The following EMSY variants were observed in gnomAD, a reference collection of about 807,000 sequenced individuals.
EMSY encodes BRCA2-interacting transcriptional repressor EMSY.
Under a neutral mutation model 134.6 loss-of-function variants are expected in EMSY, and 26 were observed. That is an observed-to-expected ratio of 0.19 (90% CI 0.14 to 0.27). EMSY has a LOEUF of 0.27. Among genes scored for constraint, EMSY ranks in the 10% least tolerant of loss-of-function variants. The pLI is 1.00. For missense variants in EMSY, 1,305 were observed against 1,611.4 expected (o/e 0.81, Z 3.26); for synonymous variants, 579 against 577.8 (o/e 1.00, Z -0.03).
At chr11:76,519,924 C>T (rs1277321578) in intron 11 of EMSY, among the ~76,000 whole-genome samples, 1 of 152,016 alleles carries the variant, frequency 6.6e-6, no homozygotes, top group East Asian at 1.9e-4. Flanking sequence ...AGATACTCTG[C>T]TGTGTGTTGT....
rs936174149 is a variant in EMSY at position 76,544,944 on chromosome 11, C to G, written c.3273+122C>G. The G allele has an allele frequency of 5.2e-5, 55 of 1,064,792 alleles. No individual in the cohort carries two copies. The African/African-American group carries it at 7.4e-4, about 14-fold the overall frequency. 66.0% of individuals were successfully genotyped at this position (1,064,792 alleles called of 1,614,324 possible). Reference sequence around the variant, plus strand: ...CTGGCAAGAGGAAACCCAAAAGCCTCATTACGCTGGTATTACTTTGCCCCA... The same window carrying G: ...CTGGCAAGAGGAAACCCAAAAGCCTGATTACGCTGGTATTACTTTGCCCCA... On this transcript the variant is annotated intron_variant, in intron 19 of 20. Coordinates refer to ENST00000334736, the Ensembl canonical transcript of EMSY.
At chr11:76,481,566 G>T (rs1189622100) in intron 8 of EMSY, among the ~76,000 whole-genome samples, 1 of 152,196 alleles carries the variant, frequency 6.6e-6, no homozygotes, top group African/African-American at 2.4e-5. Context: ...GGGGGGAGGG[G>T]TATCCACCAT....
intron 15 of EMSY, among the ~76,000 whole-genome samples, chr11:76,536,713 C>T (rs982283220): frequency 2.0e-5 from 3 of 152,160 alleles, no homozygotes; most frequent in Non-Finnish European, 4.4e-5. Context: ...CAAAGATTTT[C>T]AGAGTATTTA....
chr11:76,463,555 G>A (rs997936795), intron 6 of EMSY, among the ~76,000 whole-genome samples: 1 of 151,640 alleles, frequency 6.6e-6, no homozygotes, highest in Admixed American at 6.6e-5. Flanking sequence ...CCCGGGAAGC[G>A]GAGCTTGCGG....
chr11:76,494,303 T>C (rs921494252), intron 8 of EMSY, among the ~76,000 whole-genome samples: 1 of 152,226 alleles, frequency 6.6e-6, no homozygotes, highest in Non-Finnish European at 1.5e-5. Context: ...GCTGGTGAAG[T>C]GACACCCCAG....
intron 8 of EMSY, among the ~76,000 whole-genome samples, chr11:76,491,180 T>TC (rs910878606): frequency 1.6e-4 from 22 of 141,030 alleles, no homozygotes; most frequent in Admixed American, 2.7e-4. Context: ...CTTTTTTCTT[T>TC]TTTTTTTTTT....
intron 20 of EMSY, chr11:76,547,057 C>T (rs1951679808): frequency 2.2e-6 from 1 of 455,018 alleles, no homozygotes; most frequent in Admixed American, 2.4e-5. Context: ...TGAGTCCAGG[C>T]TACCCCTTAG....
chr11:76,533,860 G>A (rs939922535), intron 14 of EMSY, among the ~76,000 whole-genome samples: 12 of 152,118 alleles, frequency 7.9e-5, no homozygotes, highest in African/African-American at 2.2e-4. Context: ...TAGTCATTGC[G>A]TTCCATGACT....
At chr11:76,533,436 A>T (rs1951114247) in intron 14 of EMSY, among the ~76,000 whole-genome samples, 1 of 151,616 alleles carries the variant, frequency 6.6e-6, no homozygotes, top group Non-Finnish European at 1.5e-5. Context: ...TCTGATTGTT[A>T]TAACTGTGCA....
At position 76,518,703 on chromosome 11, in the gene EMSY, A is replaced by ATATTTTTT. The variant is rs57143914; in HGVS notation, c.1684+2392_1684+2393insATTTTTTT. ...TGCGCGCATATATATATATATATATATTTTTTTTTTAATTGGGATCTAATA... is the reference window on the plus strand; with the variant it reads ...TGCGCGCATATATATATATATATATATATTTTTTTTTTTTTTTTAATTGGGATCTAATA... On this transcript the variant is annotated intron_variant, in intron 11 of 20. Transcript: ENST00000334736. Among the ~76,000 whole-genome samples, 104 of 130,194 alleles carry ATATTTTTT rather than the reference A, an allele frequency of 8.0e-4. 2 individuals are homozygous for ATATTTTTT. The East Asian group carries it at 0.011, about 13-fold the overall frequency. 85.4% of individuals were successfully genotyped at this position (130,194 alleles called of 152,430 possible). A position where few individuals can be genotyped will look rare whatever the true frequency, so the allele number is the denominator to read the frequency against.
At chr11:76,516,059 A>G (rs2136161740) in intron 10 of EMSY, 83 bp from the exon 12 acceptor site, 1 of 1,174,234 alleles carries the variant, frequency 8.5e-7, no homozygotes, top group East Asian at 2.4e-5. Context: ...TGTAGATTAT[A>G]TGGAATTACA....
At chr11:76,501,311 A>C (rs1949849243) in intron 9 of EMSY, among the ~76,000 whole-genome samples, 1 of 152,226 alleles carries the variant, frequency 6.6e-6, no homozygotes, top group Non-Finnish European at 1.5e-5. Flanking sequence ...CCCATACATT[A>C]GAAAAACAAA....
intron 4 of EMSY, among the ~76,000 whole-genome samples, chr11:76,454,399 T>C (rs1406447585): frequency 6.6e-6 from 1 of 152,122 alleles, no homozygotes; most frequent in Non-Finnish European, 1.5e-5. Context: ...TTTGGGAATT[T>C]TCTATTAGAG....
chr11:76,541,680 T>G (rs1329747755), intron 17 of EMSY, among the ~76,000 whole-genome samples: 1 of 152,214 alleles, frequency 6.6e-6, no homozygotes, highest in Non-Finnish European at 1.5e-5. Context: ...GACCTTTAGA[T>G]TTTTAGGAAC....
At chr11:76,549,903 T>A in intron 20 of EMSY, 49 bp from the exon 22 acceptor site, 1 of 1,450,260 alleles carries the variant, frequency 6.9e-7, no homozygotes. Context: ...GGGAAGTTAT[T>A]CTGCTACCTT....
chr11:76,461,446 A>G (rs534793882), intron 6 of EMSY, among the ~76,000 whole-genome samples: 4 of 152,180 alleles, frequency 2.6e-5, no homozygotes, highest in Non-Finnish European at 5.9e-5. Context: ...GAGATTTTCT[A>G]TGTTAAGTTG....
exon 7 of EMSY, chr11:76,464,048 T>C (rs775695675): frequency 1.2e-6 from 2 of 1,614,148 alleles, no homozygotes; most frequent in East Asian, 2.2e-5. Flanking sequence ...CACTAAACCA[T>C]CAACACAGAC....
At chr11:76,452,005 G>A (rs757121775) in intron 3 of EMSY, 48 bp downstream of exon 3, 1 of 1,234,672 alleles carries the variant, frequency 8.1e-7, no homozygotes, top group Non-Finnish European at 1.1e-6. Context: ...TCATTTTGGG[G>A]GATTTTATTA....
At chr11:76,501,465 AT>A (rs1197361308) in intron 9 of EMSY, among the ~76,000 whole-genome samples, 3 of 152,242 alleles carry the variant, frequency 2.0e-5, no homozygotes, top group Non-Finnish European at 4.4e-5. Context: ...ATTACATCAA[AT>A]AAAGATCAAT....
Sources: allele counts gnomAD v4.1 joint callset (sites outside exome capture counted in the v4.1 genomes callset), GRCh38; gene constraint gnomAD v4.1.1; transcripts MANE v1.5; gene names NCBI Gene and HGNC (gene_info 2026-07-23, HGNC 2026-07-21).